Variants in FIP1L1 observed in about 807,000 individuals in gnomAD.
The protein encoded by FIP1L1 is pre-mRNA 3'-end-processing factor FIP1.
In FIP1L1, 21 loss-of-function variants were observed where a neutral mutation model predicts 84.6. That is an observed-to-expected ratio of 0.25 (90% CI 0.18 to 0.36). FIP1L1 has a LOEUF of 0.36. FIP1L1 is among the 10% of genes least tolerant of loss of function. FIP1L1 has a pLI of 1.00. For missense variants in FIP1L1, 526 were observed against 751.1 expected, an observed-to-expected ratio of 0.70 and a Z score of 3.50; for synonymous variants, 263 against 242.3, an observed-to-expected ratio of 1.09 and a Z score of -0.80.
chr4:53,411,904 C>T (rs1162358089), intron 10 of FIP1L1, among the ~76,000 whole-genome samples: 2 of 151,938 alleles, frequency 1.3e-5, no homozygotes, highest in Admixed American at 1.3e-4. Context: ...AGTGGCATAT[C>T]AGGAATGTAC....
At chr4:53,420,869 G>T (rs900696401) in intron 11 of FIP1L1, among the ~76,000 whole-genome samples, 6 of 152,078 alleles carry the variant, frequency 3.9e-5, no homozygotes, top group Non-Finnish European at 8.8e-5. Flanking sequence ...AATTTTTCTT[G>T]AAATAAATAT....
chr4:53,418,677 G>A (rs1243715200), intron 11 of FIP1L1, among the ~76,000 whole-genome samples: 2 of 152,072 alleles, frequency 1.3e-5, no homozygotes, highest in Admixed American at 1.3e-4. Flanking sequence ...ATTTTCAAGT[G>A]ATAGTTTATT....
intron 13 of FIP1L1, chr4:53,442,283 A>G (rs1298000060): frequency 3.0e-5 from 5 of 165,164 alleles, no homozygotes; most frequent in South Asian, 1.8e-4. Flanking sequence ...GGTAATTGCT[A>G]TATATCTGCT....
chr4:53,420,879 T>C lies in FIP1L1; in HGVS notation c.924-4993T>C, dbSNP rs578214529. Among the ~76,000 whole-genome samples, 4 of 152,320 alleles carry C rather than the reference T, an allele frequency of 2.6e-5. No individual in the cohort carries two copies. The East Asian group carries it at 7.7e-4, about 29-fold the overall frequency. On this transcript the variant is annotated intron_variant, in intron 11 of 17. Coordinates refer to ENST00000337488, the MANE Select transcript of FIP1L1 (RefSeq NM_030917.4). ...CTTTAAATTTTTCTTGAAATAAATATTAATTTTTTATGAGCTACTTTAAGT... is the reference window on the plus strand; with the variant it reads ...CTTTAAATTTTTCTTGAAATAAATACTAATTTTTTATGAGCTACTTTAAGT...
chr4:53,400,062 T>C (rs1327393653), intron 10 of FIP1L1, among the ~76,000 whole-genome samples: 1 of 152,190 alleles, frequency 6.6e-6, no homozygotes, highest in Non-Finnish European at 1.5e-5. Context: ...GTTTTGTGTA[T>C]GAATAAAGAG....
intron 10 of FIP1L1, among the ~76,000 whole-genome samples, chr4:53,405,018 TC>T (rs1197595956): frequency 2.0e-5 from 3 of 152,198 alleles, no homozygotes; most frequent in African/African-American, 7.2e-5. Context: ...TTTAATGAGA[TC>T]CCATTTGTCA....
intron 12 of FIP1L1, 88 bp from the exon 13 acceptor site, chr4:53,427,935 CTTTG>C (rs1765011691): frequency 4.5e-6 from 5 of 1,115,130 alleles, no homozygotes; most frequent in Middle Eastern, 2.7e-4. Context: ...CTACCTTTTA[CTTTG>C]TTTCTTAGAT....
At chr4:53,430,147 G>T (rs1283759550) in intron 13 of FIP1L1, among the ~76,000 whole-genome samples, 3 of 152,076 alleles carry the variant, frequency 2.0e-5, no homozygotes, top group African/African-American at 7.2e-5. Context: ...TATATCCCCA[G>T]ATGGCTAACA....
chr4:53,423,363 C>A (rs80140019), intron 11 of FIP1L1, among the ~76,000 whole-genome samples: 198 of 152,172 alleles, frequency 1.3e-3, no homozygotes, highest in African/African-American at 4.5e-3. Context: ...GTTTGTTGGC[C>A]TAATCAAACC....
chr4:53,458,752 C>G lies in FIP1L1; in HGVS notation c.1599C>G (p.His533Gln), dbSNP rs765801070. Residue 533 changes from histidine to glutamine, a missense_variant, in exon 17 of 18, where the codon CAC becomes CAG. His to Gln is a conservative substitution (Grantham distance 24). Coordinates refer to ENST00000337488, the MANE Select transcript of FIP1L1 (RefSeq NM_030917.4). ...EKEERHRERR[H>Q]REKEETRHKS... is the part of the protein sequence containing the mutation. ...AAGAACGACATAGAGAAAGACGACA[C>G]AGGGAGAAAGAGGAAACCAGACATA... The G allele has an allele frequency of 4.3e-6, 7 of 1,612,792 alleles. No individual in the cohort carries two copies.
At chr4:53,378,835 C>T (rs1736188968) in intron 1 of FIP1L1, 3 of 530,330 alleles carry the variant, frequency 5.7e-6, no homozygotes, top group Admixed American at 3.6e-5. Flanking sequence ...CATGCAGGTC[C>T]TTGATGATGT....
chr4:53,377,751 G>T lies in FIP1L1; in HGVS notation c.-88G>T, dbSNP rs1344983064. On this transcript the variant is annotated 5_prime_UTR_variant, in exon 1 of 18. Coordinates refer to ENST00000337488, the MANE Select transcript of FIP1L1 (RefSeq NM_030917.4). ...TTCGTTCGTTCGTCGGCGGGTTCGC[G>T]CCCTTCTCGCGCCTCGGGGCTGCGA... 3.2e-6 allele frequency: 4 copies of T among 1,263,022 alleles called. No individual in the cohort carries two copies. The highest frequency in any genetic ancestry group is 3.1e-5 in the African/African-American group (2 of 64,818). 78.2% of individuals were successfully genotyped at this position (1,263,022 alleles called of 1,614,324 possible).
Position 53,382,323 on chromosome 4 carries a change from T to A in FIP1L1, c.216T>A (p.Gly72=). 1 of 1,613,518 alleles carries A rather than the reference T, an allele frequency of 6.2e-7. No homozygotes were observed. Among genetic ancestry groups the A allele is most frequent in the Non-Finnish European group, 8.5e-7 (1 of 1,179,482 alleles). ...SGIEDETAEN[G]VPKPKVTETE... ...TTGAAGATGAAACTGCTGAAAATGGTGTACCAAAACCGGTAACATAAGGCT... is the reference window on the plus strand; with the variant it reads ...TTGAAGATGAAACTGCTGAAAATGGAGTACCAAAACCGGTAACATAAGGCT... Residue 72 remains glycine, a synonymous_variant, in exon 4 of 18, where the codon GGT becomes GGA. Coordinates refer to ENST00000337488, the MANE Select transcript of FIP1L1 (RefSeq NM_030917.4).
At chr4:53,432,280 C>G (rs988018341) in intron 13 of FIP1L1, among the ~76,000 whole-genome samples, 4 of 150,818 alleles carry the variant, frequency 2.7e-5, no homozygotes, top group African/African-American at 9.8e-5. Context: ...CACCTGTAGT[C>G]CTGGCTACTT....
chr4:53,405,841 T>G (rs1353731038), intron 10 of FIP1L1, among the ~76,000 whole-genome samples: 2 of 151,860 alleles, frequency 1.3e-5, no homozygotes, highest in Non-Finnish European at 2.9e-5. Flanking sequence ...ATGCTTGTGA[T>G]TTTTGCACAT....
chr4:53,415,911 C>T (rs1211663698), intron 11 of FIP1L1, among the ~76,000 whole-genome samples: 1 of 152,088 alleles, frequency 6.6e-6, no homozygotes, highest in African/African-American at 2.4e-5. Context: ...GCATGTGTTG[C>T]TTTAGAAGGT....
intron 10 of FIP1L1, among the ~76,000 whole-genome samples, chr4:53,410,090 G>T (rs192238289): frequency 1.3e-5 from 2 of 152,192 alleles, no homozygotes; most frequent in Non-Finnish European, 2.9e-5. Context: ...CGTCGCTCAC[G>T]CTGGGAGCTG....
chr4:53,453,860 T>C (rs1458929674), intron 16 of FIP1L1, among the ~76,000 whole-genome samples: 2 of 152,206 alleles, frequency 1.3e-5, no homozygotes, highest in African/African-American at 4.8e-5. Context: ...CTATAGTGAT[T>C]TTCCAAAATT....
chr4:53,406,195 A>G (rs1170228296), intron 10 of FIP1L1, among the ~76,000 whole-genome samples: 1 of 151,136 alleles, frequency 6.6e-6, no homozygotes, highest in Non-Finnish European at 1.5e-5. Context: ...TTACATACCT[A>G]ATTTATTGAG....
Sources: allele counts gnomAD v4.1 joint callset (sites outside exome capture counted in the v4.1 genomes callset), GRCh38; gene constraint gnomAD v4.1.1; transcripts MANE v1.5; gene names NCBI Gene and HGNC (gene_info 2026-07-23, HGNC 2026-07-21).